LRRC8C: variants seen among roughly 807,000 people sequenced by gnomAD.
LRRC8C encodes volume-regulated anion channel subunit LRRC8C.
LRRC8C carries 20 observed loss-of-function variants against 55.3 expected under a neutral mutation model. The ratio of observed to expected loss-of-function variants is 0.36; its 90% CI spans 0.25 to 0.53. LRRC8C has a LOEUF of 0.53. Among genes scored for constraint, LRRC8C ranks in the 20% least tolerant of loss-of-function variants. The pLI, the probability that LRRC8C is intolerant of heterozygous loss-of-function variation, is 0.92. For missense variants in LRRC8C, 659 were observed against 951.4 expected (o/e 0.69, Z 4.04); for synonymous variants, 376 against 360.7 (o/e 1.04, Z -0.48).
At chr1:89,635,724 T>A (rs1340426637) in intron 1 of LRRC8C, among the ~76,000 whole-genome samples, 6 of 152,210 alleles carry the variant, frequency 3.9e-5, no homozygotes, top group Admixed American at 1.3e-4. Context: ...ATCAAGGCCA[T>A]CTGTTTCTAA....
At chr1:89,621,496 T>G in the LRRC8C span, among the ~76,000 whole-genome samples, 1 of 151,998 alleles carries the variant, frequency 6.6e-6, no homozygotes, top group East Asian at 1.9e-4. Flanking sequence ...CTTAAAGCAC[T>G]CAGAAGTCTT....
At chr1:89,625,481 T>C in the LRRC8C span, among the ~76,000 whole-genome samples, 3 of 152,200 alleles carry the variant, frequency 2.0e-5, no homozygotes, top group African/African-American at 7.2e-5. Flanking sequence ...GGCTTTGTTG[T>C]TGCTGATGTT....
At chr1:89,706,302 G>A (rs542955630) in intron 2 of LRRC8C, 2 of 456,100 alleles carry the variant, frequency 4.4e-6, no homozygotes, top group Admixed American at 2.3e-5. Flanking sequence ...GTTATTTCAG[G>A]CAGTTTCTCT....
upstream of LRRC8C, among the ~76,000 whole-genome samples, chr1:89,628,131 T>C (rs773209762): frequency 9.2e-5 from 14 of 152,226 alleles, no homozygotes; most frequent in Non-Finnish European, 1.5e-4. Context: ...CAAACAATTC[T>C]GTCTTGGGGT....
At chr1:89,680,410 C>A (rs1362177858) in intron 1 of LRRC8C, among the ~76,000 whole-genome samples, 1 of 151,498 alleles carries the variant, frequency 6.6e-6, no homozygotes, top group Non-Finnish European at 1.5e-5. Flanking sequence ...AAATATATAT[C>A]TTTGAGAAGT....
At position 89,707,339 on chromosome 1, in the gene LRRC8C, G is replaced by A. The variant is rs185868024; in HGVS notation, c.139-5370G>A. Among the ~76,000 whole-genome samples, 24 of 152,066 alleles carry A rather than the reference G, an allele frequency of 1.6e-4. 2 individuals carry two copies. Among genetic ancestry groups the A allele is most frequent in the East Asian group, 5.8e-4 (3 of 5,168 alleles). On this transcript the variant is annotated intron_variant, in intron 2 of 2. Coordinates refer to ENST00000370454, the MANE Select transcript of LRRC8C (RefSeq NM_032270.5). ...GAAGAATCACTTGAACCCGGGAGGC[G>A]GAGGTTGCAGTGAGCTGAGATTGCG... is the stretch of plus-strand genomic sequence containing the variant.
intron 1 of LRRC8C, among the ~76,000 whole-genome samples, chr1:89,641,367 G>A (rs1656450900): frequency 6.6e-6 from 1 of 152,170 alleles, no homozygotes; most frequent in Non-Finnish European, 1.5e-5. Context: ...GTGGGTTCAA[G>A]GTCACTAGAC....
chr1:89,654,874 C>CTTTTTTTT (rs3068067), intron 1 of LRRC8C, among the ~76,000 whole-genome samples: 2 of 129,342 alleles, frequency 1.5e-5, no homozygotes, highest in Non-Finnish European at 3.2e-5. Context: ...TTTAGTAAGC[C>CTTTTTTTT]TTTTTTTTTT....
chr1:89,616,743 A>C, the LRRC8C span, among the ~76,000 whole-genome samples: 4 of 152,208 alleles, frequency 2.6e-5, no homozygotes, highest in African/African-American at 9.6e-5. Flanking sequence ...AGGAGAGCAT[A>C]AAGTTTAAAT....
chr1:89,706,108 A>G (rs1570740057), intron 2 of LRRC8C, among the ~76,000 whole-genome samples: 2 of 152,190 alleles, frequency 1.3e-5, no homozygotes, highest in Admixed American at 1.3e-4. Context: ...ACTGATTTAT[A>G]TGTCTCATTC....
Position 89,717,563 on chromosome 1 carries a change from A to T in LRRC8C, c.*2581A>T, listed in dbSNP as rs772828228. The T allele has an allele frequency of 5.9e-5, 9 of 152,180 alleles. No homozygotes were observed. Among genetic ancestry groups the T allele is most frequent in the Non-Finnish European group, 1.2e-4 (8 of 68,018 alleles). The allele number at this position is 152,180 out of a possible 1,614,324, so 9.4% of individuals were successfully genotyped here. On this transcript the variant is annotated 3_prime_UTR_variant, in exon 3 of 3. Transcript: ENST00000370454. ...TAACTAAGAAGGAAAATTCATAGATATTCCTATTAGATTTTATAAACCTTC... is the reference window on the plus strand; with the variant it reads ...TAACTAAGAAGGAAAATTCATAGATTTTCCTATTAGATTTTATAAACCTTC...
At chr1:89,673,372 T>C (rs1452994479) in intron 1 of LRRC8C, among the ~76,000 whole-genome samples, 2 of 152,134 alleles carry the variant, frequency 1.3e-5, no homozygotes, top group Non-Finnish European at 2.9e-5. Context: ...TTTTCAACCG[T>C]TTAAAAAAAT....
intron 1 of LRRC8C, among the ~76,000 whole-genome samples, chr1:89,663,770 C>T (rs571852513): frequency 1.3e-5 from 2 of 152,206 alleles, no homozygotes; most frequent in South Asian, 4.2e-4. Context: ...CCTGTTTCTC[C>T]ACATCCTCTC....
chr1:89,691,862 GAA>G (rs1259111617), intron 2 of LRRC8C, among the ~76,000 whole-genome samples: 1 of 152,082 alleles, frequency 6.6e-6, no homozygotes, highest in Non-Finnish European at 1.5e-5. Flanking sequence ...GATAAAAAGA[GAA>G]AATCGTTACA....
At position 89,714,880 on chromosome 1, in the gene LRRC8C, A is replaced by G; in HGVS notation, c.2310A>G (p.Glu770=). The G allele has an allele frequency of 6.2e-7, 1 of 1,614,112 alleles. No individual in the cohort carries two copies. The highest frequency in any genetic ancestry group is 8.5e-7 in the Non-Finnish European group (1 of 1,179,992). ...ATCACTTTGAAATCCTCCCTCCTGA[A>G]CTGGGTGACTGTCGGGCTCTGAAGC... The part of the protein sequence containing the change: ...KGNHFEILPP[E]LGDCRALKRA... The change falls in exon 3 of 3, where the codon GAA becomes GAG. Residue 770 remains glutamate (E), a synonymous_variant. Transcript: ENST00000370454. This position sits in a 1 kb window ranked among gnomAD's most constrained non-coding sequence, Gnocchi z 4.6.
At chr1:89,651,490 C>T (rs183559113) in intron 1 of LRRC8C, among the ~76,000 whole-genome samples, 12 of 147,682 alleles carry the variant, frequency 8.1e-5, no homozygotes, top group Admixed American at 4.8e-4. Flanking sequence ...ATGGCATGAA[C>T]CTGGGAGGTG....
the LRRC8C span, chr1:89,624,887 A>C: frequency 6.6e-6 from 1 of 152,246 alleles, no homozygotes; most frequent in African/African-American, 2.4e-5. Context: ...GACTTATCAG[A>C]GCCCTAAGCA....
chr1:89,678,883 G>A (rs1657625199), intron 1 of LRRC8C, among the ~76,000 whole-genome samples: 2 of 152,196 alleles, frequency 1.3e-5, no homozygotes, highest in African/African-American at 4.8e-5. Context: ...CTGTGGGGAT[G>A]GGGAATAGGG....
intron 2 of LRRC8C, among the ~76,000 whole-genome samples, chr1:89,694,585 CTTTTTTTTTTT>C (rs33917661): frequency 1.2e-5 from 1 of 83,282 alleles, no homozygotes; most frequent in Non-Finnish European, 2.2e-5. Context: ...TGCCCAGCTT[CTTTTTTTTTTT>C]TTTTTTTTTT....
Sources: gnomAD v4.1 joint callset for allele counts (sites outside exome capture counted in the v4.1 genomes callset) on GRCh38, gnomAD v4.1.1 for gene constraint, Gnocchi (gnomAD v3.1) non-coding constraint, MANE v1.5 for transcripts, NCBI Gene and HGNC (gene_info 2026-07-23, HGNC 2026-07-21) for gene names.